Variants in ANKRD30A observed in about 807,000 individuals in gnomAD.
ANKRD30A encodes the protein ankyrin repeat domain 30A.
Under a neutral mutation model 166.3 loss-of-function variants are expected in ANKRD30A, and 170 were observed. That is an observed-to-expected ratio of 1.02 (90% CI 0.90 to 1.16). The LOEUF is 1.16. ANKRD30A is among the 50% of genes most tolerant of loss of function. The pLI is 0.00. For missense variants in ANKRD30A, 1,630 were observed against 1,518.0 expected, an observed-to-expected ratio of 1.07 and a Z score of -1.23; for synonymous variants, 564 against 508.9, an observed-to-expected ratio of 1.11 and a Z score of -1.46.
intron 25 of ANKRD30A, among the ~76,000 whole-genome samples, chr10:37,189,760 C>T (rs28642959): frequency 0.57 from 84,161 of 148,462 alleles, 24,584 homozygotes; most frequent in African/African-American, 0.65. Context: ...AGCTGAATTA[C>T]TAGTTTAAAT....
chr10:37,206,439 G>A (rs1842000526), intron 31 of ANKRD30A, among the ~76,000 whole-genome samples: 1 of 152,184 alleles, frequency 6.6e-6, no homozygotes, highest in African/African-American at 2.4e-5. Flanking sequence ...TTATTTAAGT[G>A]AGATAAATTT....
chr10:37,196,240 A>T (rs1292904308), intron 27 of ANKRD30A, among the ~76,000 whole-genome samples: 8 of 152,228 alleles, frequency 5.3e-5, no homozygotes, highest in Non-Finnish European at 1.2e-4. Flanking sequence ...TTTGCACTCC[A>T]GAATGTAGAC....
At chr10:37,165,718 CTT>C (rs1225711367) in intron 18 of ANKRD30A, among the ~76,000 whole-genome samples, 1 of 152,108 alleles carries the variant, frequency 6.6e-6, no homozygotes, top group African/African-American at 2.4e-5. Flanking sequence ...GTTGAGTAGT[CTT>C]TTGAAAAATA....
intron 27 of ANKRD30A, among the ~76,000 whole-genome samples, chr10:37,196,828 G>T (rs1841166255): frequency 6.6e-6 from 1 of 152,114 alleles, no homozygotes; most frequent in Non-Finnish European, 1.5e-5. Flanking sequence ...TATCCAAGCT[G>T]ATCAATTCAA....
At chr10:37,193,039 A>G (rs745482754) in intron 25 of ANKRD30A, 25 bp from the exon 26 acceptor site, 43 of 1,606,204 alleles carry the variant, frequency 2.7e-5, no homozygotes, top group Non-Finnish European at 3.6e-5. Context: ...CATACAATAA[A>G]TTATATATGT....
At chr10:37,256,148 T>C in the ANKRD30A span, among the ~76,000 whole-genome samples, 1 of 152,250 alleles carries the variant, frequency 6.6e-6, no homozygotes, top group Non-Finnish European at 1.5e-5. Flanking sequence ...CATACCATTC[T>C]GACCTGCTCA....
At chr10:37,194,063 G>C (rs541796338) in intron 27 of ANKRD30A, among the ~76,000 whole-genome samples, 1 of 152,066 alleles carries the variant, frequency 6.6e-6, no homozygotes, top group African/African-American at 2.4e-5. Flanking sequence ...GGTTGTGGTG[G>C]TGGGTGCCTG....
intron 9 of ANKRD30A, among the ~76,000 whole-genome samples, chr10:37,148,855 C>T (rs576704081): frequency 4.0e-5 from 6 of 151,876 alleles, no homozygotes; most frequent in African/African-American, 7.2e-5. Context: ...ACTAATGATA[C>T]GCCAAATCAG....
chr10:37,143,669 A>G (rs1837310251), intron 7 of ANKRD30A, among the ~76,000 whole-genome samples: 1 of 152,158 alleles, frequency 6.6e-6, no homozygotes, highest in African/African-American at 2.4e-5. Context: ...AGAAAAAAAA[A>G]TGTTAGGCCA....
chr10:37,261,514 G>T, the ANKRD30A span, among the ~76,000 whole-genome samples: 5 of 152,064 alleles, frequency 3.3e-5, no homozygotes, highest in Non-Finnish European at 7.4e-5. Flanking sequence ...TTGAAAAAAG[G>T]TTCAATGTTG....
intron 6 of ANKRD30A, among the ~76,000 whole-genome samples, chr10:37,139,744 G>A (rs1178703883): frequency 6.6e-6 from 1 of 152,170 alleles, no homozygotes; most frequent in Admixed American, 6.5e-5. Context: ...TTGATTGATT[G>A]TAGAGACATG....
intron 34 of ANKRD30A, among the ~76,000 whole-genome samples, chr10:37,227,577 G>T (rs1244833425): frequency 6.6e-6 from 1 of 151,870 alleles, no homozygotes; most frequent in African/African-American, 2.4e-5. Context: ...TATCATACAT[G>T]ATAAAAGTTC....
chr10:37,167,042 G>C (rs979148029), intron 19 of ANKRD30A, among the ~76,000 whole-genome samples: 53 of 152,062 alleles, frequency 3.5e-4, no homozygotes, highest in Non-Finnish European at 5.6e-4. Flanking sequence ...ATGTAATGGA[G>C]GATGATAAAA....
At chr10:37,227,645 C>T (rs1443080717) in intron 34 of ANKRD30A, among the ~76,000 whole-genome samples, 2 of 151,962 alleles carry the variant, frequency 1.3e-5, no homozygotes, top group African/African-American at 4.8e-5. Flanking sequence ...CCAGCTTATG[C>T]ACTGCTGACT....
intron 15 of ANKRD30A, among the ~76,000 whole-genome samples, chr10:37,160,313 C>T (rs528727353): frequency 2.6e-5 from 4 of 152,058 alleles, no homozygotes; most frequent in Non-Finnish European, 5.9e-5. Context: ...CTTTTCAATA[C>T]GCATTACAAC....
intron 24 of ANKRD30A, among the ~76,000 whole-genome samples, chr10:37,178,968 A>C (rs1319871340): frequency 6.7e-6 from 1 of 149,128 alleles, no homozygotes; most frequent in Non-Finnish European, 1.5e-5. Flanking sequence ...GAATTGGACT[A>C]AACCTCAGTG....
At chr10:37,159,487 T>C (rs1838663071) in intron 15 of ANKRD30A, among the ~76,000 whole-genome samples, 1 of 152,000 alleles carries the variant, frequency 6.6e-6, no homozygotes, top group Non-Finnish European at 1.5e-5. Flanking sequence ...CACTTTAGCT[T>C]GAGTGACAGA....
chr10:37,149,452 T>A (rs1056217983), intron 9 of ANKRD30A, among the ~76,000 whole-genome samples, 199 bp from the exon 10 acceptor site: 8 of 152,124 alleles, frequency 5.3e-5, no homozygotes, highest in African/African-American at 1.7e-4. Context: ...GCACGATCTA[T>A]GAAACCTATA....
chr10:37,259,257 G>C, the ANKRD30A span, among the ~76,000 whole-genome samples: 2 of 152,028 alleles, frequency 1.3e-5, no homozygotes, highest in Non-Finnish European at 2.9e-5. Flanking sequence ...TATATTCAAA[G>C]AGCCAATTAA....
Sources: allele counts gnomAD v4.1 joint callset (sites outside exome capture counted in the v4.1 genomes callset), GRCh38; gene constraint gnomAD v4.1.1; transcripts MANE v1.5; gene names NCBI Gene and HGNC (gene_info 2026-07-23, HGNC 2026-07-21).